Variants in CPQ observed in about 807,000 individuals in gnomAD.
The protein encoded by CPQ is Ser-Met dipeptidase.
Under a neutral mutation model 45.7 loss-of-function variants are expected in CPQ, and 37 were observed. That is an observed-to-expected ratio of 0.81 (90% CI 0.62 to 1.07). The LOEUF is 1.07. Among genes scored for constraint, CPQ ranks in the 50% least tolerant of loss-of-function variants. CPQ has a pLI of 0.00. For synonymous variants in CPQ, 186 were observed against 205.8 expected, an observed-to-expected ratio of 0.90 and a Z score of 0.82; for missense variants, 537 against 572.9, an observed-to-expected ratio of 0.94 and a Z score of 0.64.
At chr8:96,916,010 G>C (rs777364227) in intron 4 of CPQ, among the ~76,000 whole-genome samples, 2 of 152,140 alleles carry the variant, frequency 1.3e-5, no homozygotes, top group Non-Finnish European at 2.9e-5. Flanking sequence ...ATCCCTGTAA[G>C]AATGGAAAAG....
At chr8:96,977,514 G>A (rs573575709) in intron 5 of CPQ, among the ~76,000 whole-genome samples, 2 of 152,188 alleles carry the variant, frequency 1.3e-5, no homozygotes, top group African/African-American at 4.8e-5. Flanking sequence ...AAAGAAGTCA[G>A]TATATGAAAA....
At chr8:96,843,009 G>A (rs1202579983) in intron 3 of CPQ, among the ~76,000 whole-genome samples, 1 of 152,114 alleles carries the variant, frequency 6.6e-6, no homozygotes, top group Non-Finnish European at 1.5e-5. Context: ...GGGTTCAAGC[G>A]ATTCTCCGGT....
intron 2 of CPQ, among the ~76,000 whole-genome samples, chr8:96,813,423 A>G (rs1013274911): frequency 5.3e-5 from 8 of 152,136 alleles, no homozygotes; most frequent in Admixed American, 3.9e-4. Context: ...GTGCTTGCCT[A>G]GTGACTGTGA....
intron 7 of CPQ, among the ~76,000 whole-genome samples, chr8:97,070,265 C>T (rs536893317): frequency 3.0e-4 from 46 of 152,186 alleles, no homozygotes; most frequent in Admixed American, 5.9e-4. Context: ...TATTGCTTTT[C>T]CAAATTTCTA....
At chr8:96,867,454 G>A (rs1812009719) in intron 3 of CPQ, among the ~76,000 whole-genome samples, 1 of 151,952 alleles carries the variant, frequency 6.6e-6, no homozygotes, top group Non-Finnish European at 1.5e-5. Context: ...CCGGTTGGTA[G>A]AGTAAAAAAG....
intron 4 of CPQ, among the ~76,000 whole-genome samples, chr8:96,950,894 G>T (rs1163625244): frequency 6.6e-6 from 1 of 152,076 alleles, no homozygotes; most frequent in Non-Finnish European, 1.5e-5. Flanking sequence ...GAGGTTCCTA[G>T]TAAGTGGCAG....
intron 3 of CPQ, among the ~76,000 whole-genome samples, chr8:96,857,294 G>T (rs940089504): frequency 6.6e-6 from 1 of 152,124 alleles, no homozygotes; most frequent in South Asian, 2.1e-4. Flanking sequence ...AGAGGGATCC[G>T]AGGGGCATCT....
At chr8:97,040,335 T>G (rs1810096048) in intron 6 of CPQ, among the ~76,000 whole-genome samples, 1 of 151,984 alleles carries the variant, frequency 6.6e-6, no homozygotes, top group Admixed American at 6.6e-5. Context: ...GGGTTGTTTG[T>G]TTTTTTCTTG....
intron 7 of CPQ, among the ~76,000 whole-genome samples, chr8:97,118,235 T>C (rs1340668651): frequency 1.3e-5 from 2 of 152,104 alleles, no homozygotes; most frequent in Non-Finnish European, 2.9e-5. Flanking sequence ...TATCTACTTA[T>C]GCCTTTTTTT....
intron 4 of CPQ, among the ~76,000 whole-genome samples, chr8:96,952,821 C>T (rs1207841310): frequency 6.6e-6 from 1 of 152,042 alleles, no homozygotes; most frequent in African/African-American, 2.4e-5. Context: ...AATGTGAAAA[C>T]AGGCAAATGT....
At chr8:96,737,700 T>G (rs1173991440) in intron 1 of CPQ, among the ~76,000 whole-genome samples, 1 of 152,112 alleles carries the variant, frequency 6.6e-6, no homozygotes, top group Admixed American at 6.6e-5. Flanking sequence ...GGATTAATAC[T>G]TTGTATCCCT....
intron 3 of CPQ, among the ~76,000 whole-genome samples, chr8:96,838,506 A>G (rs923134587): frequency 2.6e-5 from 4 of 152,168 alleles, no homozygotes; most frequent in Middle Eastern, 6.8e-3. Flanking sequence ...CTGACATTCT[A>G]TTGGGCAGAA....
intron 5 of CPQ, among the ~76,000 whole-genome samples, chr8:97,003,532 G>T (rs975506189): frequency 1.3e-5 from 2 of 152,130 alleles, no homozygotes; most frequent in Non-Finnish European, 2.9e-5. Flanking sequence ...ATCAGCTGTG[G>T]TGTACTTTGG....
intron 7 of CPQ, among the ~76,000 whole-genome samples, chr8:97,076,575 ATG>A (rs1450376680): frequency 1.3e-5 from 2 of 152,022 alleles, no homozygotes; most frequent in African/African-American, 4.8e-5. Context: ...CTTACCACTT[ATG>A]TGTTACAGAT....
intron 7 of CPQ, among the ~76,000 whole-genome samples, chr8:97,101,572 C>CTTTTTTTTTTTTT (rs5893410): frequency 8.8e-5 from 10 of 114,236 alleles, no homozygotes; most frequent in South Asian, 3.0e-4. Context: ...TTTCTTTTTT[C>CTTTTTTTTTTTTT]TTTTTTTTTT....
intron 1 of CPQ, among the ~76,000 whole-genome samples, chr8:96,747,242 G>A (rs1810198862): frequency 6.8e-6 from 1 of 148,130 alleles, no homozygotes; most frequent in Admixed American, 6.8e-5. Flanking sequence ...AGTGAGCAGA[G>A]ATCCTCTCAC....
chr8:96,716,162 C>A (rs962218754), intron 1 of CPQ, among the ~76,000 whole-genome samples: 1 of 152,070 alleles, frequency 6.6e-6, no homozygotes, highest in African/African-American at 2.4e-5. Context: ...CTGGCCTGGG[C>A]GCTGTGTCAT....
At chr8:97,112,919 C>G (rs1811521675) in intron 7 of CPQ, among the ~76,000 whole-genome samples, 1 of 152,206 alleles carries the variant, frequency 6.6e-6, no homozygotes, top group African/African-American at 2.4e-5. Context: ...AGCTGCAGAT[C>G]TAGGGACAGA....
At position 96,725,965 on chromosome 8, in the gene CPQ, A is replaced by G. The variant is rs192733350; in HGVS notation, c.-34-58899A>G. On this transcript the variant is annotated intron_variant, in intron 1 of 7. Coordinates refer to ENST00000220763, the MANE Select transcript of CPQ (RefSeq NM_016134.4). ...AACATGGATGCAGCTGGAGGCCATT[A>G]TCCTAAGTGAATTGACACAGGAACA... Among the ~76,000 whole-genome samples, 219 of 152,332 alleles carry G rather than the reference A, an allele frequency of 1.4e-3. 4 individuals carry two copies. The highest frequency in any genetic ancestry group is 0.011 in the Admixed American group (170 of 15,290).
Sources: gnomAD v4.1 joint callset for allele counts (sites outside exome capture counted in the v4.1 genomes callset) on GRCh38, gnomAD v4.1.1 for gene constraint, MANE v1.5 for transcripts, NCBI Gene and HGNC (gene_info 2026-07-23, HGNC 2026-07-21) for gene names.